Variants in CEP19 observed in about 807,000 individuals in gnomAD.
The protein encoded by CEP19 is centrosomal protein of 19 kDa.
A neutral mutation model predicts 17.5 loss-of-function variants in CEP19; 14 were observed. That is an observed-to-expected ratio of 0.80 (90% CI 0.53 to 1.25). The LOEUF (loss-of-function observed/expected upper bound fraction) is 1.25. Among genes scored for constraint, CEP19 ranks in the 50% most tolerant of loss-of-function variants. The pLI is 0.00. For missense variants in CEP19, 193 were observed against 192.0 expected (o/e 1.01, Z -0.03); for synonymous variants, 59 against 65.5 (o/e 0.90, Z 0.48).
chr3:196,709,867 T>C (rs1016149798), intron 1 of CEP19, among the ~76,000 whole-genome samples: 3 of 152,212 alleles, frequency 2.0e-5, no homozygotes, highest in African/African-American at 7.2e-5. Flanking sequence ...TAAAGTGGCA[T>C]AGGGTGATGA....
rs771165025 is a variant in CEP19 at position 196,712,026 on chromosome 3, A to G, written c.-168T>C. ...AACCGCAGTGCACGCAAAGCCCCTA[A>G]GCCGACTGTGAGACCGGGCGGAGCC... On this transcript the variant is annotated 5_prime_UTR_variant, in exon 1 of 3. Transcript: ENST00000409690. 143 of 716,410 alleles carry G rather than the reference A, an allele frequency of 2.0e-4. No individual in the cohort carries two copies. Among genetic ancestry groups the G allele is most frequent in the Non-Finnish European group, 3.3e-4 (125 of 384,552 alleles). 44.4% of individuals were successfully genotyped at this position (716,410 alleles called of 1,614,324 possible). A position where few individuals can be genotyped will look rare whatever the true frequency, so the allele number is the denominator to read the frequency against.
chr3:196,710,794 A>G (rs1311283716), intron 1 of CEP19, among the ~76,000 whole-genome samples: 2 of 140,202 alleles, frequency 1.4e-5, no homozygotes, highest in African/African-American at 5.2e-5. Context: ...GTGAGTTGAG[A>G]TGGTGCCACT....
At chr3:196,710,479 A>T (rs1176843430) in intron 1 of CEP19, among the ~76,000 whole-genome samples, 1 of 152,170 alleles carries the variant, frequency 6.6e-6, no homozygotes, top group Admixed American at 6.5e-5. Context: ...TGGGAGGCGG[A>T]GGTTGCAGTG....
At position 196,708,559 on chromosome 3, in the gene CEP19, A is replaced by G. The variant is rs1711610240; in HGVS notation, c.99T>C (p.Ile33=). 6.2e-7 allele frequency: 1 copy of G among 1,614,206 alleles called. No homozygotes were observed. The highest frequency in any genetic ancestry group is 8.5e-7 in the Non-Finnish European group (1 of 1,180,028). ...ACTTTGAAAAGTTTCGAACTGGCAT[A>G]ATGCGCTGGCGAATTTTCCCCTTGA... ...SEIKGKIRQR[I]MPVRNFSKFS... Residue 33 remains isoleucine, a synonymous_variant, in exon 2 of 3, where the codon ATT becomes ATC. Transcript: ENST00000409690.
In CEP19 at chr3:196,707,623, A is replaced by G. The variant is rs769083606; in HGVS notation, c.420T>C (p.Ile140=). ...KKDDPNFVYD[I]EVEFPQDDQL... is the part of the protein sequence containing the mutation. ...GATCGTCCTGTGGAAATTCAACCTC[A>G]ATGTCATAAACAAAATTTGGATCAT... Residue 140 remains isoleucine, a synonymous_variant, in exon 3 of 3, where the codon ATT becomes ATC. Coordinates refer to ENST00000409690, the MANE Select transcript of CEP19 (RefSeq NM_032898.5). The G allele has an allele frequency of 1.2e-6, 2 of 1,613,860 alleles. No individual in the cohort carries two copies. The highest frequency in any genetic ancestry group is 1.7e-6 in the Non-Finnish European group (2 of 1,179,950).
In CEP19 at chr3:196,711,954, C is replaced by A. The variant is rs1180298311; in HGVS notation, c.-96G>T. On this transcript the variant is annotated 5_prime_UTR_variant, in exon 1 of 3. Transcript: ENST00000409690. ...CCTTAGAGGAATACAGAAATGACAT[C>A]GTCTGCAGGCCAACGTCTAAACAAC... The A allele has an allele frequency of 2.8e-6, 2 of 717,480 alleles. No homozygotes were observed. The highest frequency in any genetic ancestry group is 3.0e-5 in the South Asian group (2 of 67,606). 44.4% of individuals were successfully genotyped at this position (717,480 alleles called of 1,614,324 possible). A position where few individuals can be genotyped will look rare whatever the true frequency, so the allele number is the denominator to read the frequency against.
chr3:196,707,447 CT>C lies in CEP19; in HGVS notation c.*103del. The C allele has an allele frequency of 1.5e-6, 2 of 1,295,722 alleles. No homozygotes were observed. Among genetic ancestry groups the C allele is most frequent in the Non-Finnish European group, 2.1e-6 (2 of 944,784 alleles). 80.3% of individuals were successfully genotyped at this position (1,295,722 alleles called of 1,614,324 possible). On this transcript the variant is annotated 3_prime_UTR_variant, in exon 3 of 3. Transcript: ENST00000409690. ...TTTGAAAAGTAACATGGTCAATCCCCTATAACCCAACATATTTAGTATTCTT... is the reference window on the plus strand; with the variant it reads ...TTTGAAAAGTAACATGGTCAATCCCCATAACCCAACATATTTAGTATTCTT...
chr3:196,712,103 G>T lies in CEP19; in HGVS notation c.-245C>A, dbSNP rs1711826119. 1 of 638,764 alleles carries T rather than the reference G, an allele frequency of 1.6e-6. No individual in the cohort carries two copies. The highest frequency in any genetic ancestry group is 1.7e-5 in the South Asian group (1 of 57,256). The allele number at this position is 638,764 out of a possible 1,614,324, so 39.6% of individuals were successfully genotyped here. A position where few individuals can be genotyped will look rare whatever the true frequency, so the allele number is the denominator to read the frequency against. ...ACAGCCCTACTGACGAGCCCGAGGG[G>T]TGAACTCCCCGGCGGGAGGCCCGAA... On this transcript the variant is annotated 5_prime_UTR_variant, in exon 1 of 3. Transcript: ENST00000409690.
rs1711612188 is a variant in CEP19 at position 196,708,576 on chromosome 3, T to A, written c.82A>T (p.Lys28Ter). ...ACTGGCATAATGCGCTGGCGAATTT[T>A]CCCCTTGATTTCACTCTCATAGATT... ...ILIYESEIKG[K>*]IRQRIMPVRN... Residue 28 changes from lysine to a stop codon, truncating the protein, a stop_gained, in exon 2 of 3, where the codon AAA becomes TAA. Coordinates refer to ENST00000409690, the MANE Select transcript of CEP19 (RefSeq NM_032898.5). LOFTEE classifies it high-confidence loss of function. 6.2e-7 allele frequency: 1 copy of A among 1,614,078 alleles called. No homozygotes were observed. Among genetic ancestry groups the A allele is most frequent in the South Asian group, 1.1e-5 (1 of 91,090 alleles).
In CEP19 at chr3:196,707,800, CAAGT is replaced by C; in HGVS notation, c.239_242del (p.Tyr80CysfsTer25). ...TTGTTTCTGCCAGACTCTGCCCCGACAAGTAACCTCGTAAAAAACTGAATAGCTT... is the reference window on the plus strand; with the variant it reads ...TTGTTTCTGCCAGACTCTGCCCCGACAACCTCGTAAAAAACTGAATAGCTT... On this transcript the variant is annotated frameshift_variant, in exon 3 of 3. Coordinates refer to ENST00000409690, the MANE Select transcript of CEP19 (RefSeq NM_032898.5). LOFTEE classifies it high-confidence loss of function. The C allele has an allele frequency of 6.2e-7, 1 of 1,614,156 alleles. No homozygotes were observed. Among genetic ancestry groups the C allele is most frequent in the Non-Finnish European group, 8.5e-7 (1 of 1,180,046 alleles).
In CEP19 at chr3:196,707,377, A is replaced by G; in HGVS notation, c.*174T>C. On this transcript the variant is annotated 3_prime_UTR_variant, in exon 3 of 3. Transcript: ENST00000409690. ...CAGATTCCTTTATTCTGTTTTTCCC[A>G]TACTCCTCATGCACCTACATAGTAG... The G allele has an allele frequency of 1.5e-6, 1 of 676,516 alleles. No homozygotes were observed. Among genetic ancestry groups the G allele is most frequent in the Non-Finnish European group, 2.4e-6 (1 of 408,808 alleles). The allele number at this position is 676,516 out of a possible 1,614,324, so 41.9% of individuals were successfully genotyped here.
Position 196,712,092 on chromosome 3 carries a change from G to A in CEP19, c.-234C>T, listed in dbSNP as rs577463096. 3.8e-5 allele frequency: 25 copies of A among 665,892 alleles called. No homozygotes were observed. The highest frequency in any genetic ancestry group is 3.7e-4 in the Middle Eastern group (1 of 2,706). 41.2% of individuals were successfully genotyped at this position (665,892 alleles called of 1,614,324 possible). ...AGGCGACAGCCACAGCCCTACTGACGAGCCCGAGGGGTGAACTCCCCGGCG... is the reference window on the plus strand; with the variant it reads ...AGGCGACAGCCACAGCCCTACTGACAAGCCCGAGGGGTGAACTCCCCGGCG... On this transcript the variant is annotated 5_prime_UTR_variant, in exon 1 of 3. Coordinates refer to ENST00000409690, the MANE Select transcript of CEP19 (RefSeq NM_032898.5).
rs1711562545 is a variant in CEP19 at position 196,707,462 on chromosome 3, T to C, written c.*89A>G. On this transcript the variant is annotated 3_prime_UTR_variant, in exon 3 of 3. Transcript: ENST00000409690. The stretch of plus-strand genomic sequence containing the variant: ...GGTCAATCCCCTATAACCCAACATA[T>C]TTAGTATTCTTTACAGCTTCTTCCA... The C allele has an allele frequency of 1.4e-6, 2 of 1,383,612 alleles. No homozygotes were observed. The highest frequency in any genetic ancestry group is 2.0e-6 in the Non-Finnish European group (2 of 1,022,698). 85.7% of individuals were successfully genotyped at this position (1,383,612 alleles called of 1,614,324 possible).
rs762578885 is a variant in CEP19, at chr3:196,707,884, C to A, written c.159G>T (p.Lys53Asn). Residue 53 changes from lysine (K) to asparagine (N), a missense_variant, in exon 3 of 3, where the codon AAG (lysine) becomes AAT (asparagine). Lys to Asn is a moderately conservative substitution (Grantham distance 94). Transcript: ENST00000409690. ...SDCTRAAEQL[K>N]NNPRHKSYLE... Reference sequence around the variant, plus strand: ...GGTAACTCTTGTGTCGCGGATTATTCTTTAATTGTTCAGCAGCTCTGGTGC... The same window carrying A: ...GGTAACTCTTGTGTCGCGGATTATTATTTAATTGTTCAGCAGCTCTGGTGC... 28 of 1,612,378 alleles carry A rather than the reference C, an allele frequency of 1.7e-5. No homozygotes were observed. In the South Asian group the frequency reaches 3.0e-4, roughly 17 times the overall value.
At chr3:196,710,954 C>CT (rs760516872) in intron 1 of CEP19, among the ~76,000 whole-genome samples, 2,884 of 110,374 alleles carry the variant, frequency 0.026, 60 homozygotes, top group African/African-American at 0.07. Context: ...TCTTTTCTTG[C>CT]TTTTTTTTTT....
Position 196,706,443 on chromosome 3 carries a change from C to T in CEP19, c.*1108G>A. ...CCATTCATGAACAGGCCTAAACTGG[C>T]AGTGCCTATTGTTCATTTATTATGG... On this transcript the variant is annotated 3_prime_UTR_variant, in exon 3 of 3. Coordinates refer to ENST00000409690, the MANE Select transcript of CEP19 (RefSeq NM_032898.5). 6.6e-6 allele frequency: 1 copy of T among 152,164 alleles called. No homozygotes were observed. The highest frequency in any genetic ancestry group is 1.9e-4 in the East Asian group (1 of 5,198). The allele number at this position is 152,164 out of a possible 1,614,324, so 9.4% of individuals were successfully genotyped here.
intron 1 of CEP19, among the ~76,000 whole-genome samples, 173 bp downstream of exon 1, chr3:196,711,756 G>A (rs1054651888): frequency 6.6e-6 from 1 of 152,102 alleles, no homozygotes; most frequent in South Asian, 2.1e-4. Context: ...AAGAAGGACG[G>A]CACGTTTATC....
chr3:196,712,250 G>A lies in CEP19; in HGVS notation c.-392C>T, dbSNP rs1045950385. Reference sequence around the variant, plus strand: ...TGGCCTAGCGGTTTCCACAGCGACAGGCCGGGCGCGCGTCCCCGCGCGTGC... The same window carrying A: ...TGGCCTAGCGGTTTCCACAGCGACAAGCCGGGCGCGCGTCCCCGCGCGTGC... On this transcript the variant is annotated 5_prime_UTR_variant, in exon 1 of 3. Coordinates refer to ENST00000409690, the MANE Select transcript of CEP19 (RefSeq NM_032898.5). The A allele has an allele frequency of 4.4e-6, 2 of 458,844 alleles. No individual in the cohort carries two copies. Among genetic ancestry groups the A allele is most frequent in the Non-Finnish European group, 7.7e-6 (2 of 258,630 alleles). 28.4% of individuals were successfully genotyped at this position (458,844 alleles called of 1,614,324 possible).
intron 1 of CEP19, among the ~76,000 whole-genome samples, chr3:196,711,244 G>C (rs1017753124): frequency 2.0e-5 from 3 of 151,982 alleles, no homozygotes; most frequent in Admixed American, 2.0e-4. Flanking sequence ...TCTTCATAGG[G>C]AGCCAGACTG....
Sources: allele counts gnomAD v4.1 joint callset (sites outside exome capture counted in the v4.1 genomes callset), GRCh38; gene constraint gnomAD v4.1.1; transcripts MANE v1.5; gene names NCBI Gene and HGNC (gene_info 2026-07-23, HGNC 2026-07-21).